Variants in LRRC39 observed in about 807,000 individuals in gnomAD.
LRRC39 encodes the protein leucine-rich repeat-containing protein 39.
In LRRC39, 35 loss-of-function variants were observed where a neutral mutation model predicts 39.7. That is an observed-to-expected ratio of 0.88 (90% CI 0.67 to 1.17). The LOEUF (loss-of-function observed/expected upper bound fraction) is 1.17. LRRC39 is among the 50% of genes most tolerant of loss of function. LRRC39 has a pLI of 0.00. For synonymous variants in LRRC39, 113 were observed against 134.1 expected (o/e 0.84, Z 1.09); for missense variants, 357 against 385.8 (o/e 0.93, Z 0.62).
At chr1:100,156,078 T>C (rs1658421894) in intron 7 of LRRC39, 94 bp downstream of exon 7, 2 of 1,202,448 alleles carry the variant, frequency 1.7e-6, no homozygotes, top group Admixed American at 2.4e-5. Context: ...CTATTGTGAT[T>C]GATTATGCTT....
intron 9 of LRRC39, among the ~76,000 whole-genome samples, chr1:100,152,009 C>G (rs552041601): frequency 2.0e-5 from 3 of 152,084 alleles, no homozygotes; most frequent in Admixed American, 6.6e-5. Flanking sequence ...TTTTTCATCC[C>G]TAGGTAAATT....
intron 9 of LRRC39, among the ~76,000 whole-genome samples, chr1:100,151,611 A>G (rs1658039594): frequency 6.6e-6 from 1 of 152,220 alleles, no homozygotes; most frequent in African/African-American, 2.4e-5. Flanking sequence ...ACATTTTAAA[A>G]TTATAAGACT....
In LRRC39 at chr1:100,148,475, CATAAAT is replaced by C; in HGVS notation, c.*561_*566del. 1 of 1,069,906 alleles carries C rather than the reference CATAAAT, an allele frequency of 9.3e-7. No homozygotes were observed. Among genetic ancestry groups the C allele is most frequent in the Admixed American group, 2.6e-5 (1 of 38,648 alleles). 66.3% of individuals were successfully genotyped at this position (1,069,906 alleles called of 1,614,324 possible). ...AAATATACACATCTTTTATTGTGGTCATAAATATAATGTGTCTTGGAAGCATGGGAC... is the reference window on the plus strand; with the variant it reads ...AAATATACACATCTTTTATTGTGGTCATAATGTGTCTTGGAAGCATGGGAC... On this transcript the variant is annotated 3_prime_UTR_variant, in exon 10 of 10. Transcript: ENST00000370137.
intron 4 of LRRC39, 50 bp downstream of exon 4, chr1:100,160,416 G>T: frequency 2.1e-6 from 3 of 1,429,544 alleles, no homozygotes; most frequent in South Asian, 1.2e-5. Flanking sequence ...TCTCTCAACT[G>T]ACTCACAAAA....
chr1:100,149,579 C>G, intron 9 of LRRC39: 1 of 696,932 alleles, frequency 1.4e-6, no homozygotes, highest in Non-Finnish European at 2.3e-6. Context: ...TATCTTTTAT[C>G]AGGTCATTTT....
chr1:100,151,205 A>G (rs1359942378), intron 9 of LRRC39, among the ~76,000 whole-genome samples: 4 of 151,762 alleles, frequency 2.6e-5, no homozygotes, highest in Non-Finnish European at 4.4e-5. Flanking sequence ...CTATTCGCCA[A>G]CCCATCTTCT....
At chr1:100,156,070 A>G in intron 7 of LRRC39, 102 bp downstream of exon 7, 2 of 1,084,848 alleles carry the variant, frequency 1.8e-6, no homozygotes, top group Non-Finnish European at 2.6e-6. Context: ...AGTTGGACCT[A>G]TTGTGATTGA....
intron 2 of LRRC39, among the ~76,000 whole-genome samples, chr1:100,170,996 A>G (rs934851458): frequency 6.6e-6 from 1 of 152,236 alleles, no homozygotes; most frequent in Non-Finnish European, 1.5e-5. Flanking sequence ...TACTTTACAG[A>G]TATAAAAGAT....
chr1:100,149,241 T>C, intron 9 of LRRC39, 144 bp from the exon 10 acceptor site: 1 of 1,500,996 alleles, frequency 6.7e-7, no homozygotes. Flanking sequence ...AGGGCCAATC[T>C]GAGAATTTGA....
chr1:100,151,800 C>T (rs1260667101), intron 9 of LRRC39, among the ~76,000 whole-genome samples: 2 of 152,084 alleles, frequency 1.3e-5, no homozygotes, highest in South Asian at 2.1e-4. Flanking sequence ...CTCAGCCAGA[C>T]GTGGTGGCAT....
At chr1:100,163,799 G>A (rs1272463513) in intron 3 of LRRC39, among the ~76,000 whole-genome samples, 2 of 152,076 alleles carry the variant, frequency 1.3e-5, no homozygotes, top group Admixed American at 6.6e-5. Flanking sequence ...GAGGCCGGGC[G>A]TGGTGGCTCA....
chr1:100,173,802 T>C (rs185781094), intron 1 of LRRC39, among the ~76,000 whole-genome samples: 1 of 152,200 alleles, frequency 6.6e-6, no homozygotes, highest in Non-Finnish European at 1.5e-5. Context: ...TGTGTCTATA[T>C]TCCAGCGGAA....
At chr1:100,153,746 G>C (rs1658241011) in intron 8 of LRRC39, among the ~76,000 whole-genome samples, 1 of 151,958 alleles carries the variant, frequency 6.6e-6, no homozygotes, top group Non-Finnish European at 1.5e-5. Flanking sequence ...ATATCTAGTG[G>C]CTTTTTGTTT....
At chr1:100,159,781 A>C (rs1557925380) in intron 4 of LRRC39, among the ~76,000 whole-genome samples, 1 of 152,102 alleles carries the variant, frequency 6.6e-6, no homozygotes, top group African/African-American at 2.4e-5. Flanking sequence ...ATCCAAAAAA[A>C]TAATTTCAAT....
At chr1:100,178,891 A>G (rs1293079668), upstream of LRRC39, among the ~76,000 whole-genome samples, 1 of 152,152 alleles carries the variant, frequency 6.6e-6, no homozygotes, top group Non-Finnish European at 1.5e-5. Context: ...CTCTGAAGGC[A>G]ACCACTATTG....
chr1:100,174,614 T>C (rs1469980585), intron 1 of LRRC39, among the ~76,000 whole-genome samples: 1 of 152,156 alleles, frequency 6.6e-6, no homozygotes, highest in Non-Finnish European at 1.5e-5. Flanking sequence ...AATAATTTTT[T>C]AAGAGAAATT....
intron 3 of LRRC39, among the ~76,000 whole-genome samples, chr1:100,162,596 C>T (rs1449720565): frequency 1.3e-5 from 2 of 151,722 alleles, no homozygotes; most frequent in Non-Finnish European, 2.9e-5. Context: ...CAAGATTGCA[C>T]CACTTTACTC....
intron 1 of LRRC39, among the ~76,000 whole-genome samples, chr1:100,177,464 T>G (rs1660041245): frequency 6.6e-6 from 1 of 152,160 alleles, no homozygotes; most frequent in Admixed American, 6.6e-5. Flanking sequence ...GTTGAGAGAA[T>G]CTCTAAGCAA....
In LRRC39 at chr1:100,148,770, T is replaced by G; in HGVS notation, c.*272A>C. On this transcript the variant is annotated 3_prime_UTR_variant, in exon 10 of 10. Transcript: ENST00000370137. ...CCCTCTGGTGTCTTTGGAAAATGTT[T>G]TGTTAACTGCTTTACCAAATCATTC... is the stretch of plus-strand genomic sequence containing the variant. 1 of 1,562,222 alleles carries G rather than the reference T, an allele frequency of 6.4e-7. No individual in the cohort carries two copies. The highest frequency in any genetic ancestry group is 1.2e-5 in the South Asian group (1 of 80,366).
Sources: gnomAD v4.1 joint callset for allele counts (sites outside exome capture counted in the v4.1 genomes callset) on GRCh38, gnomAD v4.1.1 for gene constraint, MANE v1.5 for transcripts, NCBI Gene and HGNC (gene_info 2026-07-23, HGNC 2026-07-21) for gene names.